The following CADM2 variants were observed in gnomAD, a reference collection of about 807,000 sequenced individuals.
The protein encoded by CADM2 is cell adhesion molecule 2.
In CADM2, 12 loss-of-function variants were observed where a neutral mutation model predicts 49.8. The ratio of observed to expected loss-of-function variants is 0.24; its 90% CI spans 0.15 to 0.39. The LOEUF (loss-of-function observed/expected upper bound fraction) is 0.39. Among genes scored for constraint, CADM2 ranks in the 10% least tolerant of loss-of-function variants. The pLI is 1.00. For missense variants in CADM2, 378 were observed against 492.3 expected (o/e 0.77, Z 2.20); for synonymous variants, 214 against 175.4 (o/e 1.22, Z -1.74).
At position 85,282,524 on chromosome 3, in the gene CADM2, G is replaced by T. The variant is rs1358481537; in HGVS notation, c.61+322856G>T. ...TGACCTCAAACAATCTACCCGCCTC[G>T]GCCTCCCAAAGTGCTGTGATTACAG... On this transcript the variant is annotated intron_variant, in intron 1 of 9. Coordinates refer to ENST00000383699, the MANE Select transcript of CADM2 (RefSeq NM_001167675.2). Among the ~76,000 whole-genome samples, 5 of 149,104 alleles carry T rather than the reference G, an allele frequency of 3.4e-5. No homozygotes were observed. The East Asian group carries it at 9.9e-4, about 29-fold the overall frequency.
chr3:85,987,721 ATATAATTAT>A (rs998527814), intron 8 of CADM2, among the ~76,000 whole-genome samples: 47 of 147,396 alleles, frequency 3.2e-4, no homozygotes, highest in African/African-American at 1.1e-3. Flanking sequence ...AAATAATTAA[ATATAATTAT>A]TATAATTTCA....
intron 1 of CADM2, among the ~76,000 whole-genome samples, chr3:85,429,068 G>GA (rs1204350908): frequency 6.6e-6 from 1 of 151,844 alleles, no homozygotes; most frequent in Non-Finnish European, 1.5e-5. Context: ...TATGAATTTT[G>GA]AAAAATCTTC....
intron 1 of CADM2, among the ~76,000 whole-genome samples, chr3:85,230,906 A>G (rs971731787): frequency 6.6e-6 from 1 of 152,140 alleles, no homozygotes; most frequent in Admixed American, 6.5e-5. Flanking sequence ...AAAATGCCAC[A>G]AACTGGTTGG....
chr3:85,484,423 C>A (rs1302216855), intron 1 of CADM2, among the ~76,000 whole-genome samples: 1 of 151,858 alleles, frequency 6.6e-6, no homozygotes, highest in Non-Finnish European at 1.5e-5. Flanking sequence ...GGAAATGTGG[C>A]AACACCTCAT....
intron 1 of CADM2, among the ~76,000 whole-genome samples, chr3:84,974,233 G>GTGTA (rs2031662071): frequency 6.7e-6 from 1 of 149,044 alleles, no homozygotes; most frequent in Non-Finnish European, 1.5e-5. Flanking sequence ...GTAATTATAT[G>GTGTA]TATATATATA....
chr3:85,238,290 C>A lies in CADM2; in HGVS notation c.61+278622C>A, dbSNP rs565292420. On this transcript the variant is annotated intron_variant, in intron 1 of 9. Coordinates refer to ENST00000383699, the MANE Select transcript of CADM2 (RefSeq NM_001167675.2). Reference sequence around the variant, plus strand: ...AATGGTATACCATTTTTAATGAGTACATATTAAACTAATAATTTCTGTAGC... The same window carrying A: ...AATGGTATACCATTTTTAATGAGTAAATATTAAACTAATAATTTCTGTAGC... 3.3e-5 allele frequency among the ~76,000 whole-genome samples: 5 copies of A among 152,002 alleles called. No homozygotes were observed. In the East Asian group the frequency reaches 5.8e-4, roughly 18 times the overall value.
intron 1 of CADM2, among the ~76,000 whole-genome samples, chr3:85,451,325 T>C (rs943790749): frequency 1.3e-4 from 20 of 152,142 alleles, no homozygotes; most frequent in African/African-American, 4.6e-4. Flanking sequence ...AGCTAATTTA[T>C]ATAATACTGA....
At chr3:85,978,213 A>G (rs1577844891) in intron 8 of CADM2, among the ~76,000 whole-genome samples, 1 of 151,558 alleles carries the variant, frequency 6.6e-6, no homozygotes, top group Admixed American at 6.6e-5. Flanking sequence ...ATAGCTTGAC[A>G]CTGGCTGTAT....
At chr3:85,424,660 A>T (rs2036319627) in intron 1 of CADM2, among the ~76,000 whole-genome samples, 2 of 152,132 alleles carry the variant, frequency 1.3e-5, no homozygotes, top group Non-Finnish European at 2.9e-5. Context: ...TACAACAAAA[A>T]TGTCTTAAAT....
chr3:85,045,299 T>A (rs1007157044), intron 1 of CADM2, among the ~76,000 whole-genome samples: 2 of 152,176 alleles, frequency 1.3e-5, no homozygotes, highest in African/African-American at 4.8e-5. Context: ...TTCTGTGTTA[T>A]GTATGAGTTA....
chr3:85,655,363 G>A (rs1287940116), intron 1 of CADM2, among the ~76,000 whole-genome samples: 2 of 152,026 alleles, frequency 1.3e-5, no homozygotes, highest in Non-Finnish European at 2.9e-5. Context: ...GTTTCACCAT[G>A]TTGGCCAGGC....
chr3:85,422,096 A>G (rs1367293130), intron 1 of CADM2, among the ~76,000 whole-genome samples: 1 of 152,206 alleles, frequency 6.6e-6, no homozygotes, highest in Non-Finnish European at 1.5e-5. Flanking sequence ...AGGGTTATCT[A>G]ATTATGTATT....
intron 2 of CADM2, among the ~76,000 whole-genome samples, chr3:85,739,955 A>G (rs980907334): frequency 6.6e-6 from 1 of 152,182 alleles, no homozygotes; most frequent in Non-Finnish European, 1.5e-5. Context: ...CAAATGGGAG[A>G]TGAAATATTT....
intron 6 of CADM2, among the ~76,000 whole-genome samples, chr3:85,920,816 A>G (rs1474665418): frequency 6.6e-6 from 1 of 151,570 alleles, no homozygotes; most frequent in Non-Finnish European, 1.5e-5. Flanking sequence ...AAACTCATTG[A>G]AGAGGATATA....
At chr3:85,615,272 A>T (rs2063771647) in intron 1 of CADM2, among the ~76,000 whole-genome samples, 1 of 151,972 alleles carries the variant, frequency 6.6e-6, no homozygotes, top group African/African-American at 2.4e-5. Flanking sequence ...AAAGGAAGGA[A>T]GGAAACACAT....
At chr3:85,573,037 G>A (rs1004772170) in intron 1 of CADM2, among the ~76,000 whole-genome samples, 4 of 152,022 alleles carry the variant, frequency 2.6e-5, no homozygotes, top group African/African-American at 9.7e-5. Context: ...TTTAGTTAAT[G>A]AACTATTTTA....
intron 1 of CADM2, among the ~76,000 whole-genome samples, chr3:85,286,464 C>A (rs188973868): frequency 6.6e-6 from 1 of 152,094 alleles, no homozygotes; most frequent in Non-Finnish European, 1.5e-5. Context: ...TAGTTTGATT[C>A]AAATTTGGCA....
intron 1 of CADM2, among the ~76,000 whole-genome samples, chr3:85,274,779 G>A (rs570123384): frequency 2.4e-4 from 36 of 151,428 alleles, no homozygotes; most frequent in Non-Finnish European, 5.2e-4. Flanking sequence ...TCTGAAAAAG[G>A]AATTAAATAT....
chr3:85,823,708 AT>A (rs768886801), intron 3 of CADM2, among the ~76,000 whole-genome samples: 9 of 152,150 alleles, frequency 5.9e-5, no homozygotes, highest in Non-Finnish European at 1.3e-4. Flanking sequence ...ATTATTTTTC[AT>A]TTTAAGCAAA....
Sources: allele counts gnomAD v4.1 joint callset (sites outside exome capture counted in the v4.1 genomes callset), GRCh38; gene constraint gnomAD v4.1.1; transcripts MANE v1.5; gene names NCBI Gene and HGNC (gene_info 2026-07-23, HGNC 2026-07-21).